The following TMEM144 variants were observed in gnomAD, a reference collection of about 807,000 sequenced individuals.
TMEM144 encodes the protein transmembrane protein 144.
In TMEM144, 39 loss-of-function variants were observed where a neutral mutation model predicts 43.6. The observed-to-expected ratio is 0.90, with a 90% CI of 0.69 to 1.17. TMEM144 has a LOEUF of 1.17. TMEM144 is among the 50% of genes most tolerant of loss of function. The pLI is 0.00. For missense variants in TMEM144, 417 were observed against 411.9 expected (o/e 1.01, Z -0.11); for synonymous variants, 154 against 133.6 (o/e 1.15, Z -1.06).
chr4:158,236,677 T>TAAAAAA (rs1735365041), intron 8 of TMEM144, among the ~76,000 whole-genome samples: 2 of 152,070 alleles, frequency 1.3e-5, no homozygotes, highest in African/African-American at 4.8e-5. Context: ...TGGAAGGGTT[T>TAAAAAA]TTTGTGTGAT....
At chr4:158,227,005 A>G (rs1734806272) in intron 6 of TMEM144, among the ~76,000 whole-genome samples, 1 of 152,088 alleles carries the variant, frequency 6.6e-6, no homozygotes, top group African/African-American at 2.4e-5. Context: ...TACATGTTAC[A>G]CTGTTAACTT....
At chr4:158,243,326 G>C (rs3805143) in intron 11 of TMEM144, among the ~76,000 whole-genome samples, 2 of 152,274 alleles carry the variant, frequency 1.3e-5, no homozygotes, top group East Asian at 1.9e-4. Flanking sequence ...TGACTTTCCA[G>C]ATACTGATAA....
At position 158,228,914 on chromosome 4, in the gene TMEM144, G is replaced by A. The variant is rs528776956; in HGVS notation, c.414-3987G>A. Among the ~76,000 whole-genome samples, 91 of 152,262 alleles carry A rather than the reference G, an allele frequency of 6.0e-4. 2 individuals carry two copies. The South Asian group carries it at 0.017, about 29-fold the overall frequency. Reference sequence around the variant, plus strand: ...AGGGCTCACAACTCTAAAGGGGTCCGCGTGAGAGGGTCGTGATGGATTGAG... The same window carrying A: ...AGGGCTCACAACTCTAAAGGGGTCCACGTGAGAGGGTCGTGATGGATTGAG... On this transcript the variant is annotated intron_variant, in intron 6 of 12. Coordinates refer to ENST00000296529, the MANE Select transcript of TMEM144 (RefSeq NM_018342.5).
At chr4:158,213,434 C>A (rs971184886) in intron 3 of TMEM144, 4 of 152,234 alleles carry the variant, frequency 2.6e-5, no homozygotes, top group African/African-American at 9.7e-5. Flanking sequence ...TTTATTACAG[C>A]ATCATGTAAT....
At chr4:158,214,774 T>G in intron 3 of TMEM144, among the ~76,000 whole-genome samples, 1 of 152,198 alleles carries the variant, frequency 6.6e-6, no homozygotes, top group East Asian at 1.9e-4. Flanking sequence ...TCCGAAGCAC[T>G]TACTGCCATA....
rs149144602 is a variant in TMEM144, at chr4:158,249,887, GGTGTGTGTGT to G, written c.955-3520_955-3511del. Among the ~76,000 whole-genome samples the G allele has an allele frequency of 4.3e-4, 58 of 134,530 alleles. 1 individual carries two copies. Among genetic ancestry groups the G allele is most frequent in the Middle Eastern group, 3.8e-3 (1 of 260 alleles). 88.3% of individuals were successfully genotyped at this position (134,530 alleles called of 152,430 possible). Reference sequence around the variant, plus strand: ...CTGGGAAATCCAAAGCCTACTGCCAGGTGTGTGTGTGTGTGTGTGTGTGTGTGTGTGTGTG... The same window carrying G: ...CTGGGAAATCCAAAGCCTACTGCCAGGTGTGTGTGTGTGTGTGTGTGTGTG... On this transcript the variant is annotated intron_variant, in intron 12 of 12. Coordinates refer to ENST00000296529, the MANE Select transcript of TMEM144 (RefSeq NM_018342.5).
chr4:158,227,761 C>T (rs1009892591), intron 6 of TMEM144, among the ~76,000 whole-genome samples: 1 of 152,142 alleles, frequency 6.6e-6, no homozygotes, highest in Non-Finnish European at 1.5e-5. Flanking sequence ...TACCTTGGGC[C>T]ATACCTTTGA....
intron 3 of TMEM144, chr4:158,213,235 CA>C: frequency 6.0e-6 from 1 of 165,556 alleles, no homozygotes; most frequent in Non-Finnish European, 1.3e-5. Flanking sequence ...TGCACGCAGA[CA>C]CACGTACAAT....
At chr4:158,219,260 G>T in intron 5 of TMEM144, 50 bp from the exon 6 acceptor site, 2 of 1,585,616 alleles carry the variant, frequency 1.3e-6, no homozygotes, top group South Asian at 1.1e-5. Context: ...AAACATTATG[G>T]TGAAACATCT....
chr4:158,241,613 A>G lies in TMEM144; in HGVS notation c.900+7A>G. The G allele has an allele frequency of 1.2e-6, 2 of 1,611,470 alleles. No homozygotes were observed. The highest frequency in any genetic ancestry group is 1.7e-6 in the Non-Finnish European group (2 of 1,177,974). ...TTTTCCAATAATCACTGCTGTAAGTAGCTGAACTGGTTTTCCTAATTTTCA... is the reference window on the plus strand; with the variant it reads ...TTTTCCAATAATCACTGCTGTAAGTGGCTGAACTGGTTTTCCTAATTTTCA... On this transcript the variant is annotated splice_region_variant and intron_variant, in intron 11 of 12. Transcript: ENST00000296529.
chr4:158,213,828 T>C (rs892437375), intron 3 of TMEM144: 1 of 152,112 alleles, frequency 6.6e-6, no homozygotes, highest in African/African-American at 2.4e-5. Flanking sequence ...CTTTCTTCTC[T>C]TTTCCTCTGG....
chr4:158,246,140 A>G (rs962082728), intron 12 of TMEM144, among the ~76,000 whole-genome samples: 2 of 152,242 alleles, frequency 1.3e-5, no homozygotes, highest in South Asian at 4.1e-4. Flanking sequence ...ATCTTTTTTT[A>G]AAAAATTGCT....
intron 3 of TMEM144, among the ~76,000 whole-genome samples, chr4:158,214,455 C>T (rs1477892486): frequency 6.6e-6 from 1 of 152,180 alleles, no homozygotes; most frequent in African/African-American, 2.4e-5. Flanking sequence ...TTTTAACTGC[C>T]TCAGTATTTC....
chr4:158,241,609 A>G lies in TMEM144; in HGVS notation c.900+3A>G, dbSNP rs201153361. 2 of 1,612,540 alleles carry G rather than the reference A, an allele frequency of 1.2e-6. No individual in the cohort carries two copies. The highest frequency in any genetic ancestry group is 1.7e-6 in the Non-Finnish European group (2 of 1,178,676). On this transcript the variant is annotated splice_donor_region_variant and intron_variant, in intron 11 of 12. Coordinates refer to ENST00000296529, the MANE Select transcript of TMEM144 (RefSeq NM_018342.5). ...TCAGTTTTCCAATAATCACTGCTGT[A>G]AGTAGCTGAACTGGTTTTCCTAATT...
intron 6 of TMEM144, among the ~76,000 whole-genome samples, chr4:158,226,567 T>C (rs1050424102): frequency 6.6e-6 from 1 of 152,162 alleles, no homozygotes; most frequent in Non-Finnish European, 1.5e-5. Flanking sequence ...TTTTATGCCT[T>C]CTTATAATTC....
chr4:158,252,573 A>C (rs1199020862), intron 12 of TMEM144, among the ~76,000 whole-genome samples: 1 of 152,012 alleles, frequency 6.6e-6, no homozygotes, highest in Non-Finnish European at 1.5e-5. Context: ...TTTGAGAGGC[A>C]GAGGTGGGCA....
chr4:158,248,487 A>C (rs1447485842), intron 12 of TMEM144, among the ~76,000 whole-genome samples: 1 of 152,188 alleles, frequency 6.6e-6, no homozygotes, highest in East Asian at 1.9e-4. Flanking sequence ...AGCAAAATTT[A>C]ACAGATGTCC....
chr4:158,236,573 A>G (rs1407101949), intron 8 of TMEM144, among the ~76,000 whole-genome samples: 5 of 152,146 alleles, frequency 3.3e-5, no homozygotes, highest in Non-Finnish European at 7.3e-5. Flanking sequence ...GTGAATTTCT[A>G]CAGGCTCATG....
intron 8 of TMEM144, among the ~76,000 whole-genome samples, chr4:158,235,842 G>A (rs1287271721): frequency 1.3e-5 from 2 of 152,182 alleles, no homozygotes; most frequent in South Asian, 2.1e-4. Flanking sequence ...GTCAGATTAG[G>A]CAATAAACTT....
Sources: allele counts gnomAD v4.1 joint callset (sites outside exome capture counted in the v4.1 genomes callset), GRCh38; gene constraint gnomAD v4.1.1; transcripts MANE v1.5; gene names NCBI Gene and HGNC (gene_info 2026-07-23, HGNC 2026-07-21).